Variants in NCAM2 observed in about 807,000 individuals in gnomAD.
The protein encoded by NCAM2 is N-CAM-2.
Under a neutral mutation model 98.1 loss-of-function variants are expected in NCAM2, and 30 were observed. The observed-to-expected ratio is 0.31, with a 90% confidence interval of 0.23 to 0.41. The LOEUF (loss-of-function observed/expected upper bound fraction) is 0.41. NCAM2 is among the 10% of genes least tolerant of loss of function. NCAM2 has a pLI of 1.00. For synonymous variants in NCAM2, 368 were observed against 342.4 expected, an observed-to-expected ratio of 1.07 and a Z score of -0.83; for missense variants, 867 against 1,005.8, an observed-to-expected ratio of 0.86 and a Z score of 1.87.
intron 6 of NCAM2, among the ~76,000 whole-genome samples, chr21:21,328,980 A>T (rs1263467275): frequency 2.1e-5 from 3 of 141,336 alleles, no homozygotes; most frequent in Admixed American, 1.4e-4. Flanking sequence ...TTTGAGATGG[A>T]GTCTCACTCT....
intron 1 of NCAM2, among the ~76,000 whole-genome samples, chr21:21,000,834 GT>G: frequency 6.6e-6 from 1 of 152,236 alleles, no homozygotes; most frequent in Non-Finnish European, 1.5e-5. Flanking sequence ...CTATGCTAGT[GT>G]TTTGTTCTCT....
intron 1 of NCAM2, among the ~76,000 whole-genome samples, chr21:21,067,699 T>C (rs1209902675): frequency 6.6e-6 from 1 of 152,148 alleles, no homozygotes; most frequent in Non-Finnish European, 1.5e-5. Context: ...TAAATTCCTA[T>C]GAAGAAAGAA....
intron 1 of NCAM2, among the ~76,000 whole-genome samples, chr21:21,249,332 A>T (rs887267535): frequency 1.4e-4 from 22 of 152,170 alleles, no homozygotes; most frequent in African/African-American, 4.8e-4. Flanking sequence ...TACATTGCAT[A>T]CAATTCAGCA....
At chr21:21,149,467 T>TA (rs1324406020) in intron 1 of NCAM2, among the ~76,000 whole-genome samples, 1 of 152,146 alleles carries the variant, frequency 6.6e-6, no homozygotes, top group Non-Finnish European at 1.5e-5. Flanking sequence ...GTTACATAGG[T>TA]ATACATGTGC....
chr21:21,344,869 A>G (rs2075145221), intron 8 of NCAM2, among the ~76,000 whole-genome samples: 1 of 152,112 alleles, frequency 6.6e-6, no homozygotes, highest in Non-Finnish European at 1.5e-5. Context: ...GCACAGCCAT[A>G]CTGCTGATGG....
At chr21:21,380,404 C>T (rs1318046499) in intron 9 of NCAM2, among the ~76,000 whole-genome samples, 1 of 152,160 alleles carries the variant, frequency 6.6e-6, no homozygotes, top group African/African-American at 2.4e-5. Flanking sequence ...CCTGTTGCTG[C>T]TGTAATCAAT....
At chr21:21,197,094 C>A (rs1236840283) in intron 1 of NCAM2, among the ~76,000 whole-genome samples, 1 of 152,084 alleles carries the variant, frequency 6.6e-6, no homozygotes, top group African/African-American at 2.4e-5. Flanking sequence ...GAACTGTGAG[C>A]TAGCTAAACC....
At chr21:21,045,176 T>C (rs1475492115) in intron 1 of NCAM2, among the ~76,000 whole-genome samples, 1 of 152,120 alleles carries the variant, frequency 6.6e-6, no homozygotes, top group African/African-American at 2.4e-5. Context: ...ACAGAAACTT[T>C]AAAAGATTAT....
At chr21:21,087,562 C>T (rs1389520759) in intron 1 of NCAM2, among the ~76,000 whole-genome samples, 1 of 152,142 alleles carries the variant, frequency 6.6e-6, no homozygotes, top group Non-Finnish European at 1.5e-5. Context: ...TGTGGTTCTT[C>T]TGTAGCTTGC....
chr21:21,228,935 T>C (rs1267088036), intron 1 of NCAM2, among the ~76,000 whole-genome samples: 1 of 151,582 alleles, frequency 6.6e-6, no homozygotes, highest in African/African-American at 2.4e-5. Flanking sequence ...TAATTATTGT[T>C]TTTAAACATA....
At chr21:21,132,181 C>T (rs1451926317) in intron 1 of NCAM2, among the ~76,000 whole-genome samples, 3 of 152,156 alleles carry the variant, frequency 2.0e-5, no homozygotes, top group African/African-American at 7.2e-5. Flanking sequence ...CCCTATCTCT[C>T]CCTCTTTCTT....
At chr21:21,335,847 T>C (rs1351630756) in intron 7 of NCAM2, among the ~76,000 whole-genome samples, 182 bp downstream of exon 7, 1 of 152,182 alleles carries the variant, frequency 6.6e-6, no homozygotes, top group Non-Finnish European at 1.5e-5. Context: ...TAAAATTACA[T>C]ATGCAAATTT....
In NCAM2 at chr21:21,284,365, A is replaced by G; in HGVS notation, c.302A>G (p.Gln101Arg). 1 of 1,612,670 alleles carries G rather than the reference A, an allele frequency of 6.2e-7. No individual in the cohort carries two copies. The highest frequency in any genetic ancestry group is 8.5e-7 in the Non-Finnish European group (1 of 1,179,006). The change falls in exon 3 of 18, where the codon CAA becomes CGA. Residue 101 changes from glutamine to arginine, a missense_variant. Transcript: ENST00000400546. ...YRCQATDAKGQTQEATVVLEI... is the reference protein window; with the variant it reads ...YRCQATDAKGRTQEATVVLEI... ...TGTCAAGCAACAGATGCCAAAGGAC[A>G]AACACAAGAAGCTACAGTAGTTTTG...
At chr21:21,108,872 T>C (rs544198915) in intron 1 of NCAM2, among the ~76,000 whole-genome samples, 1 of 152,262 alleles carries the variant, frequency 6.6e-6, no homozygotes, top group Non-Finnish European at 1.5e-5. Flanking sequence ...AGATCATACA[T>C]CTAAAAACTT....
At chr21:21,331,007 C>T (rs1267404702) in intron 6 of NCAM2, among the ~76,000 whole-genome samples, 2 of 152,060 alleles carry the variant, frequency 1.3e-5, no homozygotes, top group East Asian at 1.9e-4. Context: ...GTATGTCCTC[C>T]ATGCCTCTCT....
intron 11 of NCAM2, among the ~76,000 whole-genome samples, chr21:21,427,965 C>G (rs3787604): frequency 0.058 from 8,838 of 152,208 alleles, 308 homozygotes; most frequent in East Asian, 0.12. Flanking sequence ...CACTCGCCGT[C>G]GTACTATTCT....
At chr21:21,061,288 C>T (rs1382060551) in intron 1 of NCAM2, among the ~76,000 whole-genome samples, 1 of 152,136 alleles carries the variant, frequency 6.6e-6, no homozygotes, top group East Asian at 1.9e-4. Context: ...AAAGTTATTG[C>T]TGGGGCTTGG....
intron 15 of NCAM2, among the ~76,000 whole-genome samples, chr21:21,486,810 A>G (rs1231018769): frequency 6.6e-6 from 1 of 152,176 alleles, no homozygotes; most frequent in Non-Finnish European, 1.5e-5. Context: ...GAAATAAGAT[A>G]CATCAATTTG....
chr21:21,387,132 G>T (rs2076285147), intron 9 of NCAM2, among the ~76,000 whole-genome samples: 1 of 151,316 alleles, frequency 6.6e-6, no homozygotes, highest in African/African-American at 2.4e-5. Flanking sequence ...GACTGGTAAG[G>T]GCCCTCTTTT....
Sources: gnomAD v4.1 joint callset for allele counts (sites outside exome capture counted in the v4.1 genomes callset) on GRCh38, gnomAD v4.1.1 for gene constraint, MANE v1.5 for transcripts, NCBI Gene and HGNC (gene_info 2026-07-23, HGNC 2026-07-21) for gene names.